The following CMIP variants were observed in gnomAD, a reference collection of about 807,000 sequenced individuals.
CMIP encodes the protein c-Maf inducing protein, also known as C-Maf-inducing protein.
Under a neutral mutation model 97.3 loss-of-function variants are expected in CMIP, and 13 were observed. The observed-to-expected ratio is 0.13, with a 90% CI of 0.09 to 0.21. CMIP has a LOEUF of 0.21. Among genes scored for constraint, CMIP ranks in the 10% least tolerant of loss-of-function variants. The pLI is 1.00. For missense variants in CMIP, 847 were observed against 1,024.9 expected (o/e 0.83, Z 2.37); for synonymous variants, 538 against 436.3 (o/e 1.23, Z -2.91).
At chr16:81,549,833 T>C (rs2150853720) in intron 1 of CMIP, among the ~76,000 whole-genome samples, 1 of 152,162 alleles carries the variant, frequency 6.6e-6, no homozygotes. Context: ...ACCAGGCAAA[T>C]GTGTGTGTGC....
At chr16:81,673,647 G>A (rs11644382) in intron 9 of CMIP, among the ~76,000 whole-genome samples, 42,085 of 152,140 alleles carry the variant, frequency 0.28, 6,185 homozygotes, top group Middle Eastern at 0.38. Flanking sequence ...GAGTTGCTCC[G>A]CCGAGGCTGG....
chr16:81,688,385 C>T (rs1408856481), intron 10 of CMIP, among the ~76,000 whole-genome samples: 1 of 152,232 alleles, frequency 6.6e-6, no homozygotes, highest in African/African-American at 2.4e-5. Context: ...AAGATCACAG[C>T]CGTGGCCTTT....
At chr16:81,549,060 TGCA>T (rs141878226) in intron 1 of CMIP, among the ~76,000 whole-genome samples, 1,783 of 152,312 alleles carry the variant, frequency 0.012, 46 homozygotes, top group African/African-American at 0.041. Flanking sequence ...TCTATTTTAC[TGCA>T]GGCTTAGGTG....
intron 1 of CMIP, chr16:81,518,601 C>T (rs2089961429): frequency 6.6e-6 from 1 of 152,246 alleles, no homozygotes; most frequent in Non-Finnish European, 1.5e-5. Flanking sequence ...TCTGAGCAGC[C>T]CTATGCAGTT....
rs1440884736 is a variant in CMIP, at chr16:81,627,766, C to T, written c.477+6840C>T. Among the ~76,000 whole-genome samples the T allele has an allele frequency of 1.3e-5, 2 of 152,212 alleles. No homozygotes were observed. Among genetic ancestry groups the T allele is most frequent in the Non-Finnish European group, 2.9e-5 (2 of 68,026 alleles). ...GGACCGTGCCAAAGCCAGATGCCTC[C>T]CAGCGAGGGTCACAATCTCGCTTCC... On this transcript the variant is annotated intron_variant, in intron 3 of 20. Coordinates refer to ENST00000537098, the MANE Select transcript of CMIP (RefSeq NM_198390.3). The surrounding 1 kb of genome is among the most constrained non-coding windows in gnomAD (Gnocchi z 4.6).
At chr16:81,545,104 C>T (rs1268722013) in intron 1 of CMIP, among the ~76,000 whole-genome samples, 1 of 152,162 alleles carries the variant, frequency 6.6e-6, no homozygotes, top group Non-Finnish European at 1.5e-5. Context: ...ATGCCAGGCC[C>T]ACAGCCAGGG....
chr16:81,667,799 A>AGAGAGTGTGTGT, intron 7 of CMIP, among the ~76,000 whole-genome samples: 35 of 58,132 alleles, frequency 6.0e-4, no homozygotes, highest in South Asian at 2.4e-3. Context: ...AGAGAGAGAG[A>AGAGAGTGTGTGT]GTGTGTGTGT....
At chr16:81,633,644 C>G (rs1273009414) in intron 3 of CMIP, among the ~76,000 whole-genome samples, 8 of 152,228 alleles carry the variant, frequency 5.3e-5, no homozygotes, top group Non-Finnish European at 1.5e-5. Flanking sequence ...GACTGTTTTG[C>G]AGAAAGCCTT....
chr16:81,473,250 C>T (rs957038189), intron 1 of CMIP, among the ~76,000 whole-genome samples: 3 of 152,200 alleles, frequency 2.0e-5, no homozygotes, highest in Non-Finnish European at 2.9e-5. Context: ...GACGTGTCTT[C>T]CTTCGTGTTT....
At chr16:81,498,046 A>C (rs562937275) in intron 1 of CMIP, among the ~76,000 whole-genome samples, 7 of 152,216 alleles carry the variant, frequency 4.6e-5, no homozygotes, top group African/African-American at 1.7e-4. Context: ...TCATGCATGC[A>C]TGTGTTGGTT....
rs541573207 is a variant in CMIP at position 81,645,527 on chromosome 16, C to G, written c.478-6676C>G. On this transcript the variant is annotated intron_variant, in intron 3 of 20. Coordinates refer to ENST00000537098, the MANE Select transcript of CMIP (RefSeq NM_198390.3). Reference sequence around the variant, plus strand: ...GGAGGAGCAACAGGCTCTGCTTTCCCTGGCCTGAGAACCCTGGCATATGTG... The same window carrying G: ...GGAGGAGCAACAGGCTCTGCTTTCCGTGGCCTGAGAACCCTGGCATATGTG... 1.1e-5 allele frequency: 17 copies of G among 1,536,024 alleles called. No individual in the cohort carries two copies. The East Asian group carries it at 2.9e-4, about 27-fold the overall frequency.
rs1904533284 is a variant in CMIP, at chr16:81,678,635, G to GCA, written c.1388+8_1388+9insAC. 7.3e-7 allele frequency: 1 copy of GCA among 1,369,316 alleles called. No individual in the cohort carries two copies. The highest frequency in any genetic ancestry group is 1.0e-6 in the Non-Finnish European group (1 of 977,558). 84.8% of individuals were successfully genotyped at this position (1,369,316 alleles called of 1,614,324 possible). A position where few individuals can be genotyped will look rare whatever the true frequency, so the allele number is the denominator to read the frequency against. ...TGGAAATCCTCAAGCTGCTGTGAGT[G>GCA]CCCCCCCCGCGTGCCCGCCCCCGGG... On this transcript the variant is annotated splice_region_variant and intron_variant, in intron 10 of 20. Coordinates refer to ENST00000537098, the MANE Select transcript of CMIP (RefSeq NM_198390.3).
chr16:81,526,544 G>A (rs1347642546), intron 1 of CMIP, among the ~76,000 whole-genome samples: 2 of 152,148 alleles, frequency 1.3e-5, no homozygotes, highest in Admixed American at 1.3e-4. Flanking sequence ...TAATAAAGAG[G>A]GGATCTGTTA....
chr16:81,492,661 A>C (rs921348309), intron 1 of CMIP, among the ~76,000 whole-genome samples: 1 of 152,094 alleles, frequency 6.6e-6, no homozygotes, highest in Admixed American at 6.5e-5. Flanking sequence ...GGAGGAGGCA[A>C]AACAGGGGAG....
chr16:81,621,189 A>C lies in CMIP; in HGVS notation c.477+263A>C. On this transcript the variant is annotated intron_variant, in intron 3 of 20. Transcript: ENST00000537098. This position sits in a 1 kb window ranked among gnomAD's most constrained non-coding sequence, Gnocchi z 4.1. The stretch of plus-strand genomic sequence containing the variant: ...TTTTCCTGCTTCAAAAGGATCATAG[A>C]ACTGCTTGCTCTCAGAGTGAGGGCG... 2.6e-6 allele frequency: 1 copy of C among 383,634 alleles called. No homozygotes were observed. Among genetic ancestry groups the C allele is most frequent in the Non-Finnish European group, 4.8e-6 (1 of 206,888 alleles). The allele number at this position is 383,634 out of a possible 1,614,324, so 23.8% of individuals were successfully genotyped here.
In CMIP at chr16:81,661,050, C is replaced by G. The variant is rs183523055; in HGVS notation, c.744+104C>G. On this transcript the variant is annotated intron_variant, in intron 6 of 20. Coordinates refer to ENST00000537098, the MANE Select transcript of CMIP (RefSeq NM_198390.3). ...AGAAAGGCCAAAAACCTGGGCCCCA[C>G]CGTCTTGGGTCACGGTCCCAGACAC... The G allele has an allele frequency of 2.5e-5, 35 of 1,402,466 alleles. 2 individuals are homozygous for G. In the South Asian group the frequency reaches 3.9e-4, roughly 16 times the overall value. The allele number at this position is 1,402,466 out of a possible 1,614,324, so 86.9% of individuals were successfully genotyped here. A position where few individuals can be genotyped will look rare whatever the true frequency, so the allele number is the denominator to read the frequency against.
At chr16:81,602,059 A>G (rs1380774692) in intron 1 of CMIP, among the ~76,000 whole-genome samples, 1 of 152,198 alleles carries the variant, frequency 6.6e-6, no homozygotes, top group Non-Finnish European at 1.5e-5. Context: ...TAGGGTAGAA[A>G]AACATGTTTC....
chr16:81,642,599 C>A (rs2092318702), intron 3 of CMIP, among the ~76,000 whole-genome samples: 1 of 152,192 alleles, frequency 6.6e-6, no homozygotes, highest in African/African-American at 2.4e-5. Context: ...TCATGATAGC[C>A]TACGGTGGAG....
At chr16:81,585,657 G>A (rs536708355) in intron 1 of CMIP, among the ~76,000 whole-genome samples, 14 of 143,980 alleles carry the variant, frequency 9.7e-5, no homozygotes, top group African/African-American at 3.2e-4. Context: ...CAAATTTAAC[G>A]GCAGACACCG....
Sources: allele counts gnomAD v4.1 joint callset (sites outside exome capture counted in the v4.1 genomes callset), GRCh38; gene constraint gnomAD v4.1.1; non-coding constraint Gnocchi (gnomAD v3.1); transcripts MANE v1.5; gene names NCBI Gene and HGNC (gene_info 2026-07-23, HGNC 2026-07-21).